The following ANKFN1 variants were observed in gnomAD, a reference collection of about 807,000 sequenced individuals.
The protein encoded by ANKFN1 is ankyrin repeat and fibronectin type-III domain-containing protein 1.
A neutral mutation model predicts 108.7 loss-of-function variants in ANKFN1; 74 were observed. The observed-to-expected ratio is 0.68, with a 90% CI of 0.56 to 0.83. The LOEUF (loss-of-function observed/expected upper bound fraction) is 0.83, where lower values mean the gene tolerates loss of function less well. Ranked by LOEUF, ANKFN1 falls within the 40% of genes least tolerant of loss-of-function variation. ANKFN1 has a pLI of 0.00. For synonymous variants in ANKFN1, 547 were observed against 516.2 expected, an observed-to-expected ratio of 1.06 and a Z score of -0.81; for missense variants, 1,505 against 1,382.3, an observed-to-expected ratio of 1.09 and a Z score of -1.41.
At chr17:56,288,738 T>A (rs1265488176) in intron 3 of ANKFN1, among the ~76,000 whole-genome samples, 3 of 152,178 alleles carry the variant, frequency 2.0e-5, no homozygotes, top group African/African-American at 7.2e-5. Context: ...TTTAGAGTAG[T>A]AGACTCCCCA....
intron 3 of ANKFN1, among the ~76,000 whole-genome samples, chr17:56,298,948 C>T (rs1194374886): frequency 6.6e-6 from 1 of 152,152 alleles, no homozygotes; most frequent in Admixed American, 6.5e-5. Context: ...ACATTTACCC[C>T]ATCTCAGTGA....
At chr17:56,361,730 G>T (rs140191806) in intron 6 of ANKFN1, among the ~76,000 whole-genome samples, 292 of 152,178 alleles carry the variant, frequency 1.9e-3, no homozygotes, top group African/African-American at 6.6e-3. Context: ...CCATGAGATT[G>T]CTGTCATTTT....
intron 8 of ANKFN1, among the ~76,000 whole-genome samples, chr17:56,434,012 G>A (rs889478093): frequency 1.3e-5 from 2 of 152,068 alleles, no homozygotes; most frequent in Non-Finnish European, 2.9e-5. Context: ...CTCCGTCCTG[G>A]GCGACAGAGC....
intron 4 of ANKFN1, among the ~76,000 whole-genome samples, chr17:56,092,979 C>G (rs1229786581): frequency 6.6e-6 from 1 of 151,102 alleles, no homozygotes; most frequent in African/African-American, 2.4e-5. Context: ...TTCAAGGGTT[C>G]CTGTGATTAG....
chr17:56,185,706 T>C (rs1039295328), intron 1 of ANKFN1, among the ~76,000 whole-genome samples: 6 of 152,334 alleles, frequency 3.9e-5, no homozygotes, highest in South Asian at 4.1e-4. Flanking sequence ...AATCATTCTC[T>C]GTCTGGCACA....
chr17:56,425,737 G>A (rs181138542), intron 8 of ANKFN1, among the ~76,000 whole-genome samples: 1 of 152,318 alleles, frequency 6.6e-6, no homozygotes, highest in Admixed American at 6.5e-5. Flanking sequence ...TGTCTAGCAA[G>A]TTATCCCTAA....
chr17:56,113,899 A>T (rs1448618754), intron 4 of ANKFN1, among the ~76,000 whole-genome samples: 1 of 152,170 alleles, frequency 6.6e-6, no homozygotes, highest in Non-Finnish European at 1.5e-5. Flanking sequence ...TGTAGAGCAG[A>T]GTCCAATTAG....
chr17:56,243,343 G>A (rs1917726284), intron 3 of ANKFN1, among the ~76,000 whole-genome samples: 1 of 152,072 alleles, frequency 6.6e-6, no homozygotes, highest in African/African-American at 2.4e-5. Flanking sequence ...TTTAATAGGG[G>A]ATTATGCTCC....
At chr17:56,307,211 G>A (rs1567901264) in intron 3 of ANKFN1, among the ~76,000 whole-genome samples, 1 of 152,162 alleles carries the variant, frequency 6.6e-6, no homozygotes, top group African/African-American at 2.4e-5. Flanking sequence ...GGCAACAAAA[G>A]CCAAAATTGA....
chr17:56,230,811 C>A lies in ANKFN1; in HGVS notation c.53+2854C>A, dbSNP rs150095644. On this transcript the variant is annotated intron_variant, in intron 3 of 20. Transcript: ENST00000682825. ...GTTCCTTTCGATTTTTGGCAGGAACCATTTTCTGCAATTTGTGGTTTTGCA... is the reference window on the plus strand; with the variant it reads ...GTTCCTTTCGATTTTTGGCAGGAACAATTTTCTGCAATTTGTGGTTTTGCA... Among the ~76,000 whole-genome samples, 171 of 152,110 alleles carry A rather than the reference C, an allele frequency of 1.1e-3. 2 individuals carry two copies. Among genetic ancestry groups the A allele is most frequent in the African/African-American group, 3.9e-3 (162 of 41,494 alleles).
chr17:56,292,300 T>G (rs889581451), intron 3 of ANKFN1, among the ~76,000 whole-genome samples: 1 of 152,110 alleles, frequency 6.6e-6, no homozygotes, highest in Non-Finnish European at 1.5e-5. Context: ...AAATCAGATT[T>G]TAGTACTCTT....
chr17:56,185,484 G>A (rs9911043), intron 1 of ANKFN1, among the ~76,000 whole-genome samples: 21,812 of 152,040 alleles, frequency 0.14, 1,751 homozygotes, highest in East Asian at 0.3. Flanking sequence ...CTTCTCTGTC[G>A]AAGAATGGGT....
chr17:56,210,049 G>GATAGATAGATAC (rs1272910689), intron 1 of ANKFN1, among the ~76,000 whole-genome samples: 1 of 144,132 alleles, frequency 6.9e-6, no homozygotes, highest in African/African-American at 2.6e-5. Context: ...ATTATAGATA[G>GATAGATAGATAC]ATAGATAGAT....
In ANKFN1 at chr17:56,439,912, AGTAT is replaced by A. The variant is rs2145156502; in HGVS notation, c.911-412_911-409del. 2.0e-5 allele frequency among the ~76,000 whole-genome samples: 3 copies of A among 152,280 alleles called. No individual in the cohort carries two copies. The East Asian group carries it at 5.8e-4, about 29-fold the overall frequency. On this transcript the variant is annotated intron_variant, in intron 8 of 20. Transcript: ENST00000682825. ...CAAGCTGTTACATGTAATGTGCCTG[AGTAT>A]GTGTGTGTATATTCATATACACATA...
At chr17:56,419,528 TC>T (rs1416080841) in intron 8 of ANKFN1, among the ~76,000 whole-genome samples, 1 of 150,842 alleles carries the variant, frequency 6.6e-6, no homozygotes, top group South Asian at 2.1e-4. Flanking sequence ...GTATGATGGC[TC>T]ATGCCTGTAA....
intron 2 of ANKFN1, among the ~76,000 whole-genome samples, chr17:56,219,407 T>A (rs928173112): frequency 6.6e-6 from 1 of 152,042 alleles, no homozygotes; most frequent in Non-Finnish European, 1.5e-5. Context: ...CCACCATGCC[T>A]GGCTAATTTT....
intron 1 of ANKFN1, among the ~76,000 whole-genome samples, chr17:56,204,560 C>G (rs897303660): frequency 8.6e-5 from 13 of 151,844 alleles, no homozygotes; most frequent in African/African-American, 3.1e-4. Flanking sequence ...AGGTTGGTCT[C>G]GAACTACTGA....
intron 6 of ANKFN1, among the ~76,000 whole-genome samples, chr17:56,362,296 GA>G (rs916215151): frequency 1.3e-5 from 2 of 152,146 alleles, no homozygotes; most frequent in African/African-American, 4.8e-5. Context: ...CACTTCCTAT[GA>G]AGCACTTTTT....
In ANKFN1 at chr17:56,217,325, C is replaced by T. The variant is rs111391911; in HGVS notation, c.12+4646C>T. On this transcript the variant is annotated intron_variant, in intron 2 of 20. Transcript: ENST00000682825. ...CTAGACCACCAATTCAAGATCTAGA[C>T]CAACTGTGCATTTGCTAAGTCAAAG... Among the ~76,000 whole-genome samples, 1,316 of 152,292 alleles carry T rather than the reference C, an allele frequency of 8.6e-3. 6 individuals carry two copies. The highest frequency in any genetic ancestry group is 0.019 in the South Asian group (93 of 4,824).
Sources: allele counts gnomAD v4.1 joint callset (sites outside exome capture counted in the v4.1 genomes callset), GRCh38; gene constraint gnomAD v4.1.1; transcripts MANE v1.5; gene names NCBI Gene and HGNC (gene_info 2026-07-23, HGNC 2026-07-21).